KATNIP: variants seen among roughly 807,000 people sequenced by gnomAD.
The protein encoded by KATNIP is katanin interacting protein.
Under a neutral mutation model 174.0 loss-of-function variants are expected in KATNIP, and 126 were observed. That is an observed-to-expected ratio of 0.72 (90% CI 0.63 to 0.84). The LOEUF (loss-of-function observed/expected upper bound fraction) is 0.84. Ranked by LOEUF, KATNIP falls within the 40% of genes least tolerant of loss-of-function variation. KATNIP has a pLI of 0.00. For synonymous variants in KATNIP, 810 were observed against 835.7 expected (o/e 0.97, Z 0.53); for missense variants, 1,958 against 2,109.7 (o/e 0.93, Z 1.41).
chr16:27,654,851 C>A, intron 6 of KATNIP: 1 of 977,836 alleles, frequency 1.0e-6, no homozygotes, highest in African/African-American at 1.7e-5. Flanking sequence ...AACCACAGGG[C>A]GGGCACGGTG....
At chr16:27,697,867 A>C (rs950600923) in intron 8 of KATNIP, among the ~76,000 whole-genome samples, 1 of 151,470 alleles carries the variant, frequency 6.6e-6, no homozygotes, top group Non-Finnish European at 1.5e-5. Flanking sequence ...ATTCCCCTTT[A>C]CTCCTGAACT....
At chr16:27,775,789 T>C (rs977444509) in intron 24 of KATNIP, among the ~76,000 whole-genome samples, 18 of 152,184 alleles carry the variant, frequency 1.2e-4, no homozygotes, top group African/African-American at 3.6e-4. Context: ...GTGTCCCTTG[T>C]CCATGCCATG....
chr16:27,573,769 G>C, intron 1 of KATNIP, 132 bp from the exon 2 acceptor site: 1 of 781,016 alleles, frequency 1.3e-6, no homozygotes. Context: ...ATAATAATAG[G>C]CTGCATTTTC....
At chr16:27,732,226 G>A (rs538551542) in intron 14 of KATNIP, among the ~76,000 whole-genome samples, 6 of 152,202 alleles carry the variant, frequency 3.9e-5, no homozygotes, top group Non-Finnish European at 8.8e-5. Flanking sequence ...GGTGGGACAC[G>A]GCATGGTCTT....
At chr16:27,576,089 G>C (rs2090486889) in intron 2 of KATNIP, among the ~76,000 whole-genome samples, 1 of 152,170 alleles carries the variant, frequency 6.6e-6, no homozygotes, top group Admixed American at 6.5e-5. Flanking sequence ...CTGGCCTTTG[G>C]TCACAGAATA....
At chr16:27,586,720 T>G (rs1347739429) in intron 2 of KATNIP, among the ~76,000 whole-genome samples, 1 of 151,788 alleles carries the variant, frequency 6.6e-6, no homozygotes, top group East Asian at 1.9e-4. Flanking sequence ...TCCCAGCTAC[T>G]TGGGAGGCCG....
chr16:27,744,405 G>A (rs2081211153), intron 15 of KATNIP, among the ~76,000 whole-genome samples: 1 of 152,210 alleles, frequency 6.6e-6, no homozygotes, highest in Admixed American at 6.5e-5. Context: ...GTGTGTGTCT[G>A]TAGTCCCAGC....
At position 27,681,539 on chromosome 16, in the gene KATNIP, T is replaced by C. The variant is rs1416126220; in HGVS notation, c.940+9T>C. The C allele has an allele frequency of 6.2e-7, 1 of 1,614,056 alleles. No homozygotes were observed. The highest frequency in any genetic ancestry group is 1.7e-5 in the Admixed American group (1 of 60,012). On this transcript the variant is annotated intron_variant, in intron 8 of 27. Coordinates refer to ENST00000261588, the MANE Select transcript of KATNIP (RefSeq NM_015202.5). ...GGAGAGGATGTGCTCCAGTAAGAGT[T>C]CCGGGGGCCCCTGAGCAGGGGAGCA... is the stretch of plus-strand genomic sequence containing the variant.
intron 2 of KATNIP, among the ~76,000 whole-genome samples, chr16:27,596,898 C>T (rs2075354234): frequency 6.6e-6 from 1 of 152,146 alleles, no homozygotes; most frequent in South Asian, 2.1e-4. Flanking sequence ...TGGCGTGTGC[C>T]TATAATCCCA....
chr16:27,706,051 A>T (rs985296692), intron 12 of KATNIP, among the ~76,000 whole-genome samples: 1 of 152,132 alleles, frequency 6.6e-6, no homozygotes, highest in Non-Finnish European at 1.5e-5. Flanking sequence ...GAAAAATGAC[A>T]GACTCTTCTC....
intron 5 of KATNIP, among the ~76,000 whole-genome samples, chr16:27,642,930 C>T (rs1276428815): frequency 6.6e-6 from 1 of 152,116 alleles, no homozygotes; most frequent in Non-Finnish European, 1.5e-5. Flanking sequence ...ATTTATTCTT[C>T]AACACGCCTG....
intron 1 of KATNIP, among the ~76,000 whole-genome samples, chr16:27,566,572 G>T (rs969572163): frequency 1.3e-5 from 2 of 151,940 alleles, no homozygotes; most frequent in African/African-American, 2.4e-5. Flanking sequence ...TATGGGGGTG[G>T]GGGTAGTAAT....
intron 5 of KATNIP, among the ~76,000 whole-genome samples, chr16:27,642,617 T>C (rs1015643143): frequency 3.9e-5 from 6 of 152,098 alleles, no homozygotes; most frequent in Non-Finnish European, 7.3e-5. Flanking sequence ...GTAACACATG[T>C]GCTAAGACCG....
chr16:27,627,321 T>G (rs1029689411), intron 3 of KATNIP, among the ~76,000 whole-genome samples: 22 of 152,242 alleles, frequency 1.4e-4, no homozygotes, highest in Admixed American at 1.3e-3. Flanking sequence ...TTATACATAG[T>G]GCAGAAATGC....
chr16:27,681,633 G>A (rs1436947696), intron 8 of KATNIP, 103 bp downstream of exon 8: 7 of 1,333,032 alleles, frequency 5.3e-6, no homozygotes, highest in Non-Finnish European at 7.5e-6. Context: ...TCCTTGCAGA[G>A]GGCTAGCTGC....
intron 2 of KATNIP, among the ~76,000 whole-genome samples, chr16:27,601,092 A>G (rs186798129): frequency 2.6e-5 from 4 of 152,164 alleles, no homozygotes; most frequent in African/African-American, 4.8e-5. Flanking sequence ...TTCCATTTCT[A>G]TCTCTCTACT....
chr16:27,599,501 G>T (rs944634203), intron 2 of KATNIP, among the ~76,000 whole-genome samples: 2 of 152,142 alleles, frequency 1.3e-5, no homozygotes, highest in African/African-American at 2.4e-5. Context: ...TCCATGAATG[G>T]TGCCCCGTCC....
intron 2 of KATNIP, among the ~76,000 whole-genome samples, chr16:27,610,337 A>T (rs2075854594): frequency 6.6e-6 from 1 of 152,104 alleles, no homozygotes; most frequent in Non-Finnish European, 1.5e-5. Flanking sequence ...GACGGGTTAG[A>T]TGTGGGATGG....
chr16:27,708,809 C>A lies in KATNIP; in HGVS notation c.1494C>A (p.Val498=). ...CGTGGTGGGTGGGTCTCACAGAAGT[C>A]GAGTTCTTTGACTTGAATGACACAA... The part of the protein sequence containing the change: ...GNSWWVGLTE[V]EFFDLNDTKL... The change falls in exon 13 of 28, where the codon GTC becomes GTA. Residue 498 remains valine, a synonymous_variant. Transcript: ENST00000261588. The A allele has an allele frequency of 6.2e-7, 1 of 1,613,928 alleles. No homozygotes were observed. The highest frequency in any genetic ancestry group is 8.5e-7 in the Non-Finnish European group (1 of 1,180,000).
Sources: allele counts gnomAD v4.1 joint callset (sites outside exome capture counted in the v4.1 genomes callset), GRCh38; gene constraint gnomAD v4.1.1; transcripts MANE v1.5; gene names NCBI Gene and HGNC (gene_info 2026-07-23, HGNC 2026-07-21).